POLR1B: variants seen among roughly 807,000 people sequenced by gnomAD.
POLR1B encodes DNA-directed RNA polymerase I subunit RPA2.
A neutral mutation model predicts 105.8 loss-of-function variants in POLR1B; 30 were observed. The ratio of observed to expected loss-of-function variants is 0.28; its 90% CI spans 0.21 to 0.38. The LOEUF is 0.38. Among genes scored for constraint, POLR1B ranks in the 10% least tolerant of loss-of-function variants. POLR1B has a pLI of 1.00. For synonymous variants in POLR1B, 485 were observed against 505.1 expected (o/e 0.96, Z 0.53); for missense variants, 976 against 1,435.8 (o/e 0.68, Z 5.17).
chr2:112,542,918 G>GT, intron 1 of POLR1B: 1 of 591,398 alleles, frequency 1.7e-6, no homozygotes, highest in Non-Finnish European at 3.0e-6. Flanking sequence ...AGTTTGGACA[G>GT]TTTCGGGGTG....
intron 6 of POLR1B, 145 bp downstream of exon 6, chr2:112,552,143 A>T (rs920165847): frequency 2.2e-5 from 13 of 583,218 alleles, no homozygotes; most frequent in Non-Finnish European, 3.2e-5. Flanking sequence ...GCCGGGGGCT[A>T]CCTTTGTTTT....
intron 3 of POLR1B, 44 bp from the exon 4 acceptor site, chr2:112,549,223 T>C: frequency 6.2e-7 from 1 of 1,604,538 alleles, no homozygotes; most frequent in Non-Finnish European, 8.5e-7. Context: ...TTACAGTTAG[T>C]CATGTATCTT....
At position 112,567,975 on chromosome 2, in the gene POLR1B, A is replaced by G. The variant is rs753102918; in HGVS notation, c.1755A>G (p.Arg585=). Residue 585 remains arginine, a synonymous_variant, in exon 11 of 15, where the codon AGA becomes AGG. Transcript: ENST00000263331. ...GTTTTTGTTAAAAACAGGTGTTGAG[A>G]GAGAAAAGAATTCCTCCCTGGATGG... ...ADSLRHFKVL[R]EKRIPPWMEV... is the part of the protein sequence containing the mutation. 5.0e-6 allele frequency: 8 copies of G among 1,613,706 alleles called. No individual in the cohort carries two copies. Among genetic ancestry groups the G allele is most frequent in the Non-Finnish European group, 6.8e-6 (8 of 1,179,772 alleles).
Position 112,550,893 on chromosome 2 carries a change from A to T in POLR1B, c.653A>T (p.Glu218Val), listed in dbSNP as rs751301427. Residue 218 changes from glutamate to valine, a missense_variant, in exon 5 of 15, where the codon GAA (glutamate) becomes GTA (valine). Glu to Val is a moderately radical substitution (Grantham distance 121). Around this residue, in one of 12 missense-constraint regions of POLR1B, gnomAD observed 452 missense variants for 616.5 expected, o/e 0.73. Transcript: ENST00000263331. ...GTTTCAATGCACTGTGTGAGGGAAGAACATTCCGCTGTCAATATGAACCTC... is the reference window on the plus strand; with the variant it reads ...GTTTCAATGCACTGTGTGAGGGAAGTACATTCCGCTGTCAATATGAACCTC... ...YGVSMHCVRE[E>V]HSAVNMNLHY... 2 of 1,614,036 alleles carry T rather than the reference A, an allele frequency of 1.2e-6. No homozygotes were observed. The highest frequency in any genetic ancestry group is 1.7e-6 in the Non-Finnish European group (2 of 1,179,988).
chr2:112,570,050 C>CTT (rs879626750), intron 12 of POLR1B, among the ~76,000 whole-genome samples: 16 of 142,376 alleles, frequency 1.1e-4, no homozygotes, highest in Non-Finnish European at 1.9e-4. Context: ...CAGATTGGAT[C>CTT]TTTTTTTTTT....
At chr2:112,550,212 G>A (rs1168558965) in intron 4 of POLR1B, among the ~76,000 whole-genome samples, 1 of 152,232 alleles carries the variant, frequency 6.6e-6, no homozygotes, top group Non-Finnish European at 1.5e-5. Context: ...TGTGGGCCTT[G>A]GATGTCTTCT....
At chr2:112,542,807 C>CGT in intron 1 of POLR1B, 136 bp downstream of exon 1, 1 of 1,128,396 alleles carries the variant, frequency 8.9e-7, no homozygotes, top group Non-Finnish European at 1.2e-6. Flanking sequence ...GAGAGCACAA[C>CGT]ATGTTAAACA....
intron 1 of POLR1B, among the ~76,000 whole-genome samples, chr2:112,546,414 G>A (rs1026223083): frequency 6.6e-6 from 1 of 152,092 alleles, no homozygotes; most frequent in Non-Finnish European, 1.5e-5. Context: ...CAGGAATTTT[G>A]TTCTGTTCAC....
chr2:112,562,337 CA>C (rs1684030405), intron 9 of POLR1B, among the ~76,000 whole-genome samples: 2 of 152,112 alleles, frequency 1.3e-5, no homozygotes, highest in Admixed American at 1.3e-4. Context: ...TTAAGACATA[CA>C]GTGAAATGCT....
intron 7 of POLR1B, among the ~76,000 whole-genome samples, chr2:112,554,738 A>T (rs573377532): frequency 6.6e-6 from 1 of 152,290 alleles, no homozygotes; most frequent in Admixed American, 6.5e-5. Flanking sequence ...AGGAAAAAAA[A>T]GAAAAGAAAA....
Position 112,546,809 on chromosome 2 carries a change from CACCTCGGCCTCCCA to C in POLR1B, c.178-201_178-188del, listed in dbSNP as rs767995428. On this transcript the variant is annotated intron_variant, in intron 1 of 14. Coordinates refer to ENST00000263331, the MANE Select transcript of POLR1B (RefSeq NM_019014.6). ...CGATCTCCTGACCTTGTGATCCTCC[CACCTCGGCCTCCCA>C]AAGTGCTGAGATTACAGGCGTGAAC... 889 of 426,868 alleles carry C rather than the reference CACCTCGGCCTCCCA, an allele frequency of 2.1e-3. 6 individuals are homozygous for C. The highest frequency in any genetic ancestry group is 3.1e-3 in the Non-Finnish European group (716 of 234,650). 26.4% of individuals were successfully genotyped at this position (426,868 alleles called of 1,614,324 possible).
chr2:112,548,208 A>G (rs1683160468), intron 3 of POLR1B: 2 of 152,360 alleles, frequency 1.3e-5, no homozygotes, highest in South Asian at 2.1e-4. Context: ...AGTGCCTACT[A>G]AATAGGTAGA....
At chr2:112,565,847 G>A (rs371807617) in intron 10 of POLR1B, among the ~76,000 whole-genome samples, 1 of 152,234 alleles carries the variant, frequency 6.6e-6, no homozygotes, top group African/African-American at 2.4e-5. Flanking sequence ...GTTGAGGGTG[G>A]GGGTGAAAGT....
rs757532248 is a variant in POLR1B at position 112,547,213 on chromosome 2, C to A, written c.345+34C>A. ...TAGTGATACTGTGTGACTCTCAACACTGCACATATTTGGGAGTAGGGCGGG... is the reference window on the plus strand; with the variant it reads ...TAGTGATACTGTGTGACTCTCAACAATGCACATATTTGGGAGTAGGGCGGG... On this transcript the variant is annotated intron_variant, in intron 2 of 14. Transcript: ENST00000263331. 1.9e-6 allele frequency: 3 copies of A among 1,608,290 alleles called. No homozygotes were observed. The South Asian group carries it at 3.3e-5, about 18-fold the overall frequency.
At chr2:112,542,114 A>T, upstream of POLR1B, 1 of 1,535,662 alleles carries the variant, frequency 6.5e-7, no homozygotes, top group South Asian at 1.2e-5. Flanking sequence ...AGAGAGCCTG[A>T]GAAGACCGCT....
rs1284558054 is a variant in POLR1B at position 112,547,134 on chromosome 2, A to G, written c.300A>G (p.Pro100=). The change falls in exon 2 of 15, where the codon CCA becomes CCG. Residue 100 remains proline, a synonymous_variant. Coordinates refer to ENST00000263331, the MANE Select transcript of POLR1B (RefSeq NM_019014.6). ...TCTGCAAAGAGGCCAATGTTTATCC[A>G]GCAGAATGCCGGGGCCGAAGGAGTA... ...GTICKEANVY[P]AECRGRRSTY... 6.2e-7 allele frequency: 1 copy of G among 1,614,200 alleles called. No individual in the cohort carries two copies. The highest frequency in any genetic ancestry group is 1.7e-5 in the Admixed American group (1 of 60,012).
intron 7 of POLR1B, among the ~76,000 whole-genome samples, chr2:112,553,893 T>G (rs1197037925): frequency 6.6e-6 from 1 of 152,196 alleles, no homozygotes; most frequent in Non-Finnish European, 1.5e-5. Flanking sequence ...TAGATGTATA[T>G]AGAGAGAAAG....
At chr2:112,565,787 T>C (rs1196658738) in intron 10 of POLR1B, among the ~76,000 whole-genome samples, 5 of 152,112 alleles carry the variant, frequency 3.3e-5, no homozygotes, top group Admixed American at 3.3e-4. Flanking sequence ...GATGGAATCA[T>C]TGGCCACTGG....
chr2:112,560,017 G>A (rs1047465749), intron 9 of POLR1B, among the ~76,000 whole-genome samples: 3 of 152,028 alleles, frequency 2.0e-5, no homozygotes, highest in African/African-American at 7.3e-5. Context: ...TTACTCTTCT[G>A]TGCAGGAGTT....
Sources: allele counts gnomAD v4.1 joint callset (sites outside exome capture counted in the v4.1 genomes callset), GRCh38; gene constraint gnomAD v4.1.1; regional missense constraint gnomAD v4.1.1; transcripts MANE v1.5; gene names NCBI Gene and HGNC (gene_info 2026-07-23, HGNC 2026-07-21).